Variants in CCDC178 observed in about 807,000 individuals in gnomAD.
The protein encoded by CCDC178 is coiled-coil domain containing 178.
Under a neutral mutation model 117.4 loss-of-function variants are expected in CCDC178, and 126 were observed. That is an observed-to-expected ratio of 1.07 (90% CI 0.93 to 1.24). The LOEUF is 1.24. Ranked by LOEUF, CCDC178 falls within the 50% of genes most tolerant of loss-of-function variation. The pLI is 0.00. For synonymous variants in CCDC178, 283 were observed against 313.4 expected, an observed-to-expected ratio of 0.90 and a Z score of 1.02; for missense variants, 1,030 against 986.9, an observed-to-expected ratio of 1.04 and a Z score of -0.59.
At position 32,975,046 on chromosome 18, in the gene CCDC178, T is replaced by A. The variant is rs546918111; in HGVS notation, c.2389-365A>T. 3.9e-5 allele frequency among the ~76,000 whole-genome samples: 6 copies of A among 152,268 alleles called. No individual in the cohort carries two copies. The East Asian group carries it at 9.7e-4, about 25-fold the overall frequency. On this transcript the variant is annotated intron_variant, in intron 21 of 22. Coordinates refer to ENST00000383096, the MANE Select transcript of CCDC178 (RefSeq NM_001105528.4). ...ATTGAACCTTTCTTGAAAAAAATCA[T>A]CTTTTGAAGCCGTTTTGAATGGCAC... is the stretch of plus-strand genomic sequence containing the variant.
intron 20 of CCDC178, among the ~76,000 whole-genome samples, chr18:33,167,879 TAAATAAATA>T (rs1437319102): frequency 6.6e-6 from 1 of 151,362 alleles, no homozygotes; most frequent in Non-Finnish European, 1.5e-5. Context: ...AATAAATAAA[TAAATAAATA>T]AATAAATAAA....
chr18:33,386,876 G>C (rs762703051), intron 5 of CCDC178, among the ~76,000 whole-genome samples: 1 of 152,044 alleles, frequency 6.6e-6, no homozygotes, highest in South Asian at 2.1e-4. Flanking sequence ...GGGCAATCAC[G>C]TAAGGGAAAA....
intron 21 of CCDC178, among the ~76,000 whole-genome samples, chr18:33,056,340 T>G (rs1011552459): frequency 6.6e-6 from 1 of 152,220 alleles, no homozygotes; most frequent in African/African-American, 2.4e-5. Context: ...CTGCTCTCTG[T>G]ATTGTATAAT....
At chr18:33,415,127 G>A (rs987307073) in intron 2 of CCDC178, among the ~76,000 whole-genome samples, 2 of 152,222 alleles carry the variant, frequency 1.3e-5, no homozygotes, top group African/African-American at 4.8e-5. Context: ...TTCAACCATT[G>A]TGGAAGATAG....
At chr18:33,397,607 A>G (rs73955123) in intron 3 of CCDC178, among the ~76,000 whole-genome samples, 2,449 of 152,306 alleles carry the variant, frequency 0.016, 62 homozygotes, top group African/African-American at 0.055. Context: ...GATTGGCCTT[A>G]TGACATAGCC....
At position 33,303,781 on chromosome 18, in the gene CCDC178, T is replaced by C. The variant is rs917456526; in HGVS notation, c.1023-10469A>G. On this transcript the variant is annotated intron_variant, in intron 11 of 22. Transcript: ENST00000383096. Reference sequence around the variant, plus strand: ...TGAGAACCAGACATCATGAAAGCATTACAAGTTCAAGGATATTTTTAGGGG... The same window carrying C: ...TGAGAACCAGACATCATGAAAGCATCACAAGTTCAAGGATATTTTTAGGGG... Among the ~76,000 whole-genome samples the C allele has an allele frequency of 1.2e-4, 18 of 152,164 alleles. 1 individual carries two copies. Among genetic ancestry groups the C allele is most frequent in the African/African-American group, 4.3e-4 (18 of 41,440 alleles).
At chr18:33,065,725 T>C (rs1375911024) in intron 21 of CCDC178, among the ~76,000 whole-genome samples, 1 of 152,044 alleles carries the variant, frequency 6.6e-6, no homozygotes, top group Non-Finnish European at 1.5e-5. Flanking sequence ...GGAATCCCCA[T>C]CAGACCAACA....
chr18:33,175,845 T>C (rs969313111), intron 20 of CCDC178, among the ~76,000 whole-genome samples: 1 of 152,228 alleles, frequency 6.6e-6, no homozygotes, highest in Non-Finnish European at 1.5e-5. Context: ...GTCATTGGAA[T>C]AACACACTTT....
intron 21 of CCDC178, among the ~76,000 whole-genome samples, chr18:33,041,399 T>C (rs2056547125): frequency 6.6e-6 from 1 of 151,108 alleles, no homozygotes; most frequent in East Asian, 1.9e-4. Context: ...ATCTTCCCTA[T>C]GTATATCAAT....
At chr18:33,221,217 G>A (rs1309490920) in intron 18 of CCDC178, among the ~76,000 whole-genome samples, 1 of 152,048 alleles carries the variant, frequency 6.6e-6, no homozygotes, top group African/African-American at 2.4e-5. Context: ...CTGAGTTCAT[G>A]CAGAAGACAA....
In CCDC178 at chr18:33,005,551, G is replaced by T. The variant is rs117150611; in HGVS notation, c.2389-30870C>A. On this transcript the variant is annotated intron_variant, in intron 21 of 22. Transcript: ENST00000383096. ...TAAATAAGATCTAGTATTTGATAACGCAACAGAGTGACAACAGACAACAAT... is the reference window on the plus strand; with the variant it reads ...TAAATAAGATCTAGTATTTGATAACTCAACAGAGTGACAACAGACAACAAT... Among the ~76,000 whole-genome samples, 1,215 of 152,022 alleles carry T rather than the reference G, an allele frequency of 8.0e-3. 10 individuals carry two copies. The highest frequency in any genetic ancestry group is 9.7e-3 in the Non-Finnish European group (657 of 67,908).
intron 22 of CCDC178, among the ~76,000 whole-genome samples, chr18:32,938,484 A>T (rs191743768): frequency 5.5e-4 from 83 of 152,262 alleles, no homozygotes; most frequent in Non-Finnish European, 1.1e-3. Context: ...GCTTCTGTTC[A>T]TAGTGCTTCA....
At chr18:33,285,083 T>C (rs528539958) in intron 12 of CCDC178, among the ~76,000 whole-genome samples, 3 of 152,166 alleles carry the variant, frequency 2.0e-5, no homozygotes, top group South Asian at 2.1e-4. Flanking sequence ...TTATTGAATC[T>C]AAAAATCGTT....
intron 9 of CCDC178, 113 bp from the exon 10 acceptor site, chr18:33,333,507 T>A (rs1481602288): frequency 2.7e-4 from 14 of 51,476 alleles, no homozygotes; most frequent in African/African-American, 7.4e-4. Context: ...ATCTTACTAC[T>A]TTTTTTTTTT....
At chr18:33,281,008 C>A (rs1009989951) in intron 12 of CCDC178, among the ~76,000 whole-genome samples, 2 of 151,870 alleles carry the variant, frequency 1.3e-5, no homozygotes, top group African/African-American at 4.8e-5. Context: ...TGCTAAATGA[C>A]CAGTTAATGG....
chr18:33,163,195 C>T (rs1268767321), intron 20 of CCDC178, among the ~76,000 whole-genome samples: 1 of 151,938 alleles, frequency 6.6e-6, no homozygotes, highest in Non-Finnish European at 1.5e-5. Context: ...TGATATTGAG[C>T]GTTTTTTTCA....
chr18:33,391,628 G>T (rs569528050), intron 4 of CCDC178, among the ~76,000 whole-genome samples: 2 of 152,094 alleles, frequency 1.3e-5, no homozygotes, highest in South Asian at 4.2e-4. Flanking sequence ...TAATTCAAAG[G>T]TATTTGGAAA....
At chr18:33,349,885 G>C (rs894975789) in intron 7 of CCDC178, among the ~76,000 whole-genome samples, 1 of 151,650 alleles carries the variant, frequency 6.6e-6, no homozygotes, top group African/African-American at 2.4e-5. Flanking sequence ...TATACATTCT[G>C]CTTTAGTTAC....
chr18:33,327,407 A>C (rs1378192113), intron 10 of CCDC178, among the ~76,000 whole-genome samples: 1 of 152,176 alleles, frequency 6.6e-6, no homozygotes, highest in East Asian at 1.9e-4. Context: ...ATATTTATGT[A>C]CAAGTTTTTG....
Sources: gnomAD v4.1 joint callset for allele counts (sites outside exome capture counted in the v4.1 genomes callset) on GRCh38, gnomAD v4.1.1 for gene constraint, MANE v1.5 for transcripts, NCBI Gene and HGNC (gene_info 2026-07-23, HGNC 2026-07-21) for gene names.